CAB39: variants seen among roughly 807,000 people sequenced by gnomAD.
CAB39 encodes the protein calcium-binding protein 39.
CAB39 carries 8 observed loss-of-function variants against 40.0 expected under a neutral mutation model. The observed-to-expected ratio is 0.20, with a 90% confidence interval of 0.12 to 0.36. The LOEUF is 0.36. CAB39 is among the 10% of genes least tolerant of loss of function. The pLI, the probability that CAB39 is intolerant of heterozygous loss-of-function variation, is 1.00. For synonymous variants in CAB39, 156 were observed against 141.6 expected (o/e 1.10, Z -0.72); for missense variants, 270 against 401.1 (o/e 0.67, Z 2.79).
chr2:230,803,817 T>C (rs1696138452), intron 5 of CAB39, among the ~76,000 whole-genome samples: 1 of 152,170 alleles, frequency 6.6e-6, no homozygotes, highest in Non-Finnish European at 1.5e-5. Flanking sequence ...AAAATGGCCA[T>C]ACTGCCCAAG....
At chr2:230,755,307 T>G (rs1311618754) in intron 1 of CAB39, among the ~76,000 whole-genome samples, 1 of 152,232 alleles carries the variant, frequency 6.6e-6, no homozygotes, top group Non-Finnish European at 1.5e-5. Context: ...ATATACTGTT[T>G]ATTGATTTTT....
rs576513447 is a variant in CAB39 at position 230,820,705 on chromosome 2, G to T, written c.*2001G>T. ...TAGGTGGAAGAAGTGAGGGTGCAGCGTGTCAGACACAACATTCATGTTACT... is the reference window on the plus strand; with the variant it reads ...TAGGTGGAAGAAGTGAGGGTGCAGCTTGTCAGACACAACATTCATGTTACT... On this transcript the variant is annotated 3_prime_UTR_variant, in exon 9 of 9. Transcript: ENST00000258418. 6.6e-5 allele frequency: 10 copies of T among 152,638 alleles called. No individual in the cohort carries two copies. The highest frequency in any genetic ancestry group is 1.2e-4 in the Non-Finnish European group (8 of 68,042). 9.5% of individuals were successfully genotyped at this position (152,638 alleles called of 1,614,324 possible).
At chr2:230,776,509 T>G (rs1485840964) in intron 2 of CAB39, among the ~76,000 whole-genome samples, 1 of 152,220 alleles carries the variant, frequency 6.6e-6, no homozygotes, top group South Asian at 2.1e-4. Flanking sequence ...GTCTATACAT[T>G]TTATTACTTC....
intron 2 of CAB39, among the ~76,000 whole-genome samples, chr2:230,760,561 G>A (rs1055003449): frequency 6.6e-6 from 1 of 152,150 alleles, no homozygotes; most frequent in African/African-American, 2.4e-5. Flanking sequence ...AGGAAGTAAA[G>A]TATACTTGAA....
At chr2:230,737,110 C>T (rs1343839385) in intron 1 of CAB39, among the ~76,000 whole-genome samples, 1 of 152,124 alleles carries the variant, frequency 6.6e-6, no homozygotes, top group African/African-American at 2.4e-5. Flanking sequence ...GTTCTGCACC[C>T]AACATGCAGA....
rs922813488 is a variant in CAB39 at position 230,791,007 on chromosome 2, G to C, written c.250G>C (p.Val84Leu). The change falls in exon 3 of 9, where the codon GTA becomes CTA. Residue 84 changes from valine to leucine, a missense_variant. Physicochemically the swap from Val to Leu is conservative, Grantham distance 32. Coordinates refer to ENST00000258418, the MANE Select transcript of CAB39 (RefSeq NM_016289.4). ...TAATAGTGGGCTCCTTAGCACCCTGGTAGCTGATTTACAGCTCATTGACTT... is the reference window on the plus strand; with the variant it reads ...TAATAGTGGGCTCCTTAGCACCCTGCTAGCTGATTTACAGCTCATTGACTT... Reference protein sequence around the residue: ...LYNSGLLSTLVADLQLIDFEG... With the variant: ...LYNSGLLSTLLADLQLIDFEG... 1 of 1,600,408 alleles carries C rather than the reference G, an allele frequency of 6.2e-7. No individual in the cohort carries two copies. The highest frequency in any genetic ancestry group is 1.8e-5 in the Admixed American group (1 of 56,300).
Position 230,736,574 on chromosome 2 carries a change from T to G in CAB39, c.-44+23344T>G, listed in dbSNP as rs576982567. On this transcript the variant is annotated intron_variant, in intron 1 of 8. Coordinates refer to ENST00000258418, the MANE Select transcript of CAB39 (RefSeq NM_016289.4). Reference sequence around the variant, plus strand: ...AAGAAAGAGCAAATCCAAGACAGTTTATGAGATAAAAAGAAAGCCAACCAC... The same window carrying G: ...AAGAAAGAGCAAATCCAAGACAGTTGATGAGATAAAAAGAAAGCCAACCAC... Among the ~76,000 whole-genome samples the G allele has an allele frequency of 2.0e-5, 3 of 152,298 alleles. No homozygotes were observed. In the East Asian group the frequency reaches 5.8e-4, roughly 29 times the overall value.
rs1258726562 is a variant in CAB39, at chr2:230,763,912, A to G, written c.114+3797A>G. On this transcript the variant is annotated intron_variant, in intron 2 of 8. Coordinates refer to ENST00000258418, the MANE Select transcript of CAB39 (RefSeq NM_016289.4). ...CTAGTCGAGCGGATCACTTGAGTTC[A>G]GGAGTTCGAGACTAGCATGACCAAC... Among the ~76,000 whole-genome samples, 5 of 152,296 alleles carry G rather than the reference A, an allele frequency of 3.3e-5. No homozygotes were observed. The East Asian group carries it at 7.7e-4, about 24-fold the overall frequency.
At chr2:230,748,831 A>AAAAAAAATATATATAT (rs1386799920) in intron 1 of CAB39, among the ~76,000 whole-genome samples, 5 of 28,508 alleles carry the variant, frequency 1.8e-4, no homozygotes, top group Admixed American at 6.5e-4. Flanking sequence ...AAAAAAAAAA[A>AAAAAAAATATATATAT]ATATATATAT....
At chr2:230,762,178 G>A (rs569194154) in intron 2 of CAB39, among the ~76,000 whole-genome samples, 1 of 152,102 alleles carries the variant, frequency 6.6e-6, no homozygotes, top group Non-Finnish European at 1.5e-5. Context: ...AAAGTGCTGG[G>A]ATTACAGGTG....
chr2:230,730,351 T>C lies in CAB39; in HGVS notation c.-44+17121T>C, dbSNP rs574751846. On this transcript the variant is annotated intron_variant, in intron 1 of 8. Coordinates refer to ENST00000258418, the MANE Select transcript of CAB39 (RefSeq NM_016289.4). ...TATTTTTAAATGATTGGTTATTCTT[T>C]GGGAAAATGAATTGTGATAATTAAG... 3.9e-5 allele frequency among the ~76,000 whole-genome samples: 6 copies of C among 152,280 alleles called. No individual in the cohort carries two copies. In the South Asian group the frequency reaches 1.2e-3, roughly 32 times the overall value.
At chr2:230,818,313 C>T in intron 8 of CAB39, 2 of 534,124 alleles carry the variant, frequency 3.7e-6, no homozygotes, top group Non-Finnish European at 6.6e-6. Context: ...ATGAGTTTAT[C>T]AGTCGTATTT....
intron 2 of CAB39, among the ~76,000 whole-genome samples, chr2:230,783,069 T>C (rs1695721665): frequency 6.6e-6 from 1 of 152,110 alleles, no homozygotes; most frequent in Middle Eastern, 3.4e-3. Context: ...ACCTCGTGAT[T>C]CGCCCGCCTC....
intron 1 of CAB39, among the ~76,000 whole-genome samples, chr2:230,716,676 A>G (rs540196051): frequency 6.8e-4 from 103 of 152,368 alleles, no homozygotes; most frequent in African/African-American, 2.4e-3. Context: ...CACTGGGATT[A>G]TAGGCCTGAC....
intron 2 of CAB39, among the ~76,000 whole-genome samples, chr2:230,780,023 G>T (rs1695658677): frequency 6.6e-6 from 1 of 152,124 alleles, no homozygotes. Flanking sequence ...GGGTCTTAGG[G>T]GTCATCTGGT....
At chr2:230,786,163 C>CAAAAAAAAA (rs369510604) in intron 2 of CAB39, among the ~76,000 whole-genome samples, 5 of 72,746 alleles carry the variant, frequency 6.9e-5, no homozygotes, top group African/African-American at 2.1e-4. Context: ...GACTCTGTCT[C>CAAAAAAAAA]AAAAAAAAAA....
intron 5 of CAB39, among the ~76,000 whole-genome samples, chr2:230,802,429 TAGAG>T (rs1420799283): frequency 6.6e-6 from 1 of 151,822 alleles, no homozygotes; most frequent in African/African-American, 2.4e-5. Context: ...CTGAAGGAGA[TAGAG>T]ACACAGAAAA....
At position 230,732,448 on chromosome 2, in the gene CAB39, G is replaced by A. The variant is rs548901577; in HGVS notation, c.-44+19218G>A. 3.3e-5 allele frequency among the ~76,000 whole-genome samples: 5 copies of A among 152,206 alleles called. No individual in the cohort carries two copies. The South Asian group carries it at 8.3e-4, about 25-fold the overall frequency. ...AGTCAGTTTTAAGACCCCTTACTTGGGTTTTAGGAAACATCTTCTACCTCA... is the reference window on the plus strand; with the variant it reads ...AGTCAGTTTTAAGACCCCTTACTTGAGTTTTAGGAAACATCTTCTACCTCA... On this transcript the variant is annotated intron_variant, in intron 1 of 8. Transcript: ENST00000258418.
intron 7 of CAB39, among the ~76,000 whole-genome samples, chr2:230,816,658 A>G (rs1696406859): frequency 6.6e-6 from 1 of 152,204 alleles, no homozygotes; most frequent in South Asian, 2.1e-4. Context: ...CAGAGCCGCT[A>G]TTTGCGCCTT....
Sources: allele counts gnomAD v4.1 joint callset (sites outside exome capture counted in the v4.1 genomes callset), GRCh38; gene constraint gnomAD v4.1.1; transcripts MANE v1.5; gene names NCBI Gene and HGNC (gene_info 2026-07-23, HGNC 2026-07-21).